Variants in PRTG observed in about 807,000 individuals in gnomAD.
PRTG encodes immunoglobulin superfamily, DCC subclass, member 5.
Under a neutral mutation model 122.5 loss-of-function variants are expected in PRTG, and 67 were observed. That is an observed-to-expected ratio of 0.55 (90% confidence interval 0.45 to 0.67). The LOEUF is 0.67. Among genes scored for constraint, PRTG ranks in the 30% least tolerant of loss-of-function variants. PRTG has a pLI of 0.00. For synonymous variants in PRTG, 554 were observed against 501.1 expected (o/e 1.11, Z -1.41); for missense variants, 1,435 against 1,415.4 (o/e 1.01, Z -0.22).
chr15:55,639,192 C>G (rs2059275477), intron 13 of PRTG, among the ~76,000 whole-genome samples: 1 of 152,138 alleles, frequency 6.6e-6, no homozygotes, highest in Non-Finnish European at 1.5e-5. Context: ...CCAGGCTGAT[C>G]TTAAACTTCT....
chr15:55,739,281 T>G (rs1408425852), intron 2 of PRTG, among the ~76,000 whole-genome samples: 3 of 145,804 alleles, frequency 2.1e-5, no homozygotes, highest in African/African-American at 7.5e-5. Context: ...TTTTTTTTCC[T>G]TAAAGAGATG....
intron 2 of PRTG, among the ~76,000 whole-genome samples, chr15:55,730,952 A>C (rs2031210128): frequency 6.6e-6 from 1 of 152,218 alleles, no homozygotes; most frequent in South Asian, 2.1e-4. Context: ...ATCTTTACTT[A>C]AGGAAGAGGA....
chr15:55,742,901 G>C lies in PRTG; in HGVS notation c.31C>G (p.Leu11Val), dbSNP rs1236597708. 1 of 1,530,056 alleles carries C rather than the reference G, an allele frequency of 6.5e-7. No individual in the cohort carries two copies. Among genetic ancestry groups the C allele is most frequent in the East Asian group, 2.6e-5 (1 of 37,934 alleles). The allele number at this position is 1,530,056 out of a possible 1,614,324, so 94.8% of individuals were successfully genotyped here. The change falls in exon 1 of 20, where the codon CTG becomes GTG. Residue 11 changes from leucine (L) to valine (V), a missense_variant. Coordinates refer to ENST00000389286, the MANE Select transcript of PRTG (RefSeq NM_173814.6). The stretch of plus-strand genomic sequence containing the variant: ...CGGAGCAGCATCCCCGGCGGTCGCA[G>C]CCGGGCGAGGGGTCGCAGAGGAGGC... MAPPLRPLAR[L>V]RPPGMLLRAL...
intron 11 of PRTG, among the ~76,000 whole-genome samples, chr15:55,665,286 C>T (rs2059433046): frequency 6.6e-6 from 1 of 151,620 alleles, no homozygotes; most frequent in African/African-American, 2.4e-5. Flanking sequence ...AGAAGAAAGG[C>T]ATAAACCTAA....
At position 55,677,907 on chromosome 15, in the gene PRTG, T is replaced by C; in HGVS notation, c.1271A>G (p.Asn424Ser). 1.2e-6 allele frequency: 2 copies of C among 1,613,928 alleles called. No homozygotes were observed. Among genetic ancestry groups the C allele is most frequent in the South Asian group, 1.1e-5 (1 of 91,080 alleles). ...GCTTGACATGGTTTCAGCATGTACA[T>C]TATAGGGAGCACTGGGTCTGTCTTC... Reference protein sequence around the residue: ...MSEDRPSAPYNVHAETMSSSA... With the variant: ...MSEDRPSAPYSVHAETMSSSA... Residue 424 changes from asparagine (N) to serine (S), a missense_variant, in exon 8 of 20, where the codon AAT becomes AGT. By Grantham distance (46) the Asn-to-Ser change is conservative. Coordinates refer to ENST00000389286, the MANE Select transcript of PRTG (RefSeq NM_173814.6).
In PRTG at chr15:55,619,582, G is replaced by A. The variant is rs936183698; in HGVS notation, c.*430C>T. 58 of 169,532 alleles carry A rather than the reference G, an allele frequency of 3.4e-4. No homozygotes were observed. Among genetic ancestry groups the A allele is most frequent in the African/African-American group, 1.3e-3 (56 of 41,564 alleles). 10.5% of individuals were successfully genotyped at this position (169,532 alleles called of 1,614,324 possible). ...AACAAAGTTGTCTTCAGAGTTTGCC[G>A]GGAGGCAAACTGAGGTAGATAGTCA... On this transcript the variant is annotated 3_prime_UTR_variant, in exon 20 of 20. Transcript: ENST00000389286.
intron 2 of PRTG, among the ~76,000 whole-genome samples, chr15:55,739,639 G>A (rs1328614001): frequency 6.6e-6 from 1 of 152,156 alleles, no homozygotes; most frequent in Admixed American, 6.5e-5. Context: ...TTCAGTACTT[G>A]TCCTAGGCCT....
intron 11 of PRTG, among the ~76,000 whole-genome samples, chr15:55,669,282 A>G (rs1206697338): frequency 6.6e-6 from 1 of 152,232 alleles, no homozygotes; most frequent in Non-Finnish European, 1.5e-5. Context: ...AAGCATTTAA[A>G]TTTTATTTCC....
chr15:55,687,971 G>T (rs1444838908), intron 2 of PRTG, among the ~76,000 whole-genome samples: 1 of 151,910 alleles, frequency 6.6e-6, no homozygotes, highest in Admixed American at 6.6e-5. Context: ...CTCCCCTCTG[G>T]GATGTCTCTC....
intron 15 of PRTG, among the ~76,000 whole-genome samples, chr15:55,636,107 G>C (rs1190038838): frequency 1.3e-5 from 2 of 148,208 alleles, no homozygotes; most frequent in Admixed American, 6.7e-5. Flanking sequence ...CTGAGATTCT[G>C]TCTTAAAAAA....
intron 2 of PRTG, among the ~76,000 whole-genome samples, chr15:55,695,839 TTC>T (rs565798475): frequency 1.1e-3 from 175 of 152,242 alleles, no homozygotes; most frequent in African/African-American, 4.1e-3. Context: ...GGCATGGTGG[TTC>T]ATACCTGTAG....
At chr15:55,629,797 T>C (rs556579805) in intron 15 of PRTG, among the ~76,000 whole-genome samples, 36 of 77,990 alleles carry the variant, frequency 4.6e-4, no homozygotes, top group African/African-American at 1.2e-3. Context: ...TTTGAAAGCA[T>C]GAATATATTT....
intron 2 of PRTG, among the ~76,000 whole-genome samples, chr15:55,713,258 T>C (rs2030462045): frequency 6.6e-6 from 1 of 152,230 alleles, no homozygotes. Flanking sequence ...CTCTGTAAAA[T>C]GCTCAACACT....
intron 2 of PRTG, among the ~76,000 whole-genome samples, chr15:55,718,395 C>T (rs2030680663): frequency 6.6e-6 from 1 of 152,112 alleles, no homozygotes; most frequent in Non-Finnish European, 1.5e-5. Flanking sequence ...CCGCCTGTCC[C>T]CTCAGTCCCA....
chr15:55,734,509 TG>T (rs1389948147), intron 2 of PRTG, among the ~76,000 whole-genome samples: 8 of 151,978 alleles, frequency 5.3e-5, no homozygotes, highest in Non-Finnish European at 1.2e-4. Context: ...GACACCAATT[TG>T]AAACCAGAGA....
At chr15:55,706,671 T>G (rs1443288450) in intron 2 of PRTG, among the ~76,000 whole-genome samples, 1 of 149,202 alleles carries the variant, frequency 6.7e-6, no homozygotes, top group East Asian at 1.9e-4. Flanking sequence ...GAAGTTGAGG[T>G]GTAAGGATGA....
chr15:55,697,595 G>A (rs1192977026), intron 2 of PRTG, among the ~76,000 whole-genome samples: 7 of 152,060 alleles, frequency 4.6e-5, no homozygotes, highest in Non-Finnish European at 1.0e-4. Flanking sequence ...GGGTTCAAGC[G>A]ATTCTCATGC....
At chr15:55,620,382 G>A (rs923347259) in intron 19 of PRTG, 116 bp from the exon 20 acceptor site, 91 of 1,502,952 alleles carry the variant, frequency 6.1e-5, no homozygotes, top group East Asian at 9.3e-5. Context: ...CGTGGCAAGC[G>A]AAGTGTCAAA....
Position 55,708,148 on chromosome 15 carries a change from TA to T in PRTG, c.398-24218del, listed in dbSNP as rs35216342. Among the ~76,000 whole-genome samples, 225 of 69,928 alleles carry T rather than the reference TA, an allele frequency of 3.2e-3. 1 individual carries two copies. Among genetic ancestry groups the T allele is most frequent in the African/African-American group, 6.3e-3 (100 of 15,976 alleles). 45.9% of individuals were successfully genotyped at this position (69,928 alleles called of 152,430 possible). Reference sequence around the variant, plus strand: ...CCTGTGGAAAGGAGGAGTAAGCTGGTAAAAAAAAAAAAAAAAAAAAAAAAAA... The same window carrying T: ...CCTGTGGAAAGGAGGAGTAAGCTGGTAAAAAAAAAAAAAAAAAAAAAAAAA... On this transcript the variant is annotated intron_variant, in intron 2 of 19. Transcript: ENST00000389286.
Sources: allele counts gnomAD v4.1 joint callset (sites outside exome capture counted in the v4.1 genomes callset), GRCh38; gene constraint gnomAD v4.1.1; transcripts MANE v1.5; gene names NCBI Gene and HGNC (gene_info 2026-07-23, HGNC 2026-07-21).